Variants in UBASH3B observed in about 807,000 individuals in gnomAD.
UBASH3B encodes ubiquitin associated and SH3 domain containing B, also known as ubiquitin-associated and SH3 domain-containing protein B.
In UBASH3B, 37 loss-of-function variants were observed where a neutral mutation model predicts 83.4. The observed-to-expected ratio is 0.44, with a 90% CI of 0.34 to 0.58. The LOEUF (loss-of-function observed/expected upper bound fraction) is 0.58. Among genes scored for constraint, UBASH3B ranks in the 20% least tolerant of loss-of-function variants. The pLI, the probability that UBASH3B is intolerant of heterozygous loss-of-function variation, is 0.01. For synonymous variants in UBASH3B, 304 were observed against 318.3 expected (o/e 0.96, Z 0.48); for missense variants, 657 against 827.2 (o/e 0.79, Z 2.52).
chr11:122,696,754 G>T (rs1370495857), intron 1 of UBASH3B, among the ~76,000 whole-genome samples: 2 of 152,182 alleles, frequency 1.3e-5, no homozygotes, highest in African/African-American at 4.8e-5. Context: ...GGTGGCTAAT[G>T]GCCCCTGCCT....
intron 1 of UBASH3B, among the ~76,000 whole-genome samples, chr11:122,726,862 C>T (rs538615400): frequency 4.6e-5 from 7 of 152,134 alleles, no homozygotes; most frequent in East Asian, 1.9e-4. Context: ...CAATATTGTC[C>T]GCCCTGACTC....
chr11:122,656,770 C>T (rs1212621947), intron 1 of UBASH3B, among the ~76,000 whole-genome samples: 1 of 152,144 alleles, frequency 6.6e-6, no homozygotes, highest in Non-Finnish European at 1.5e-5. Flanking sequence ...GGTGTTCCTG[C>T]GTGTTCATTG....
intron 1 of UBASH3B, among the ~76,000 whole-genome samples, chr11:122,718,517 C>T (rs1347689758): frequency 6.6e-6 from 1 of 152,114 alleles, no homozygotes; most frequent in Non-Finnish European, 1.5e-5. Context: ...CTTCTTGATC[C>T]ATCAAATGGG....
intron 1 of UBASH3B, among the ~76,000 whole-genome samples, chr11:122,704,797 C>T (rs1235522331): frequency 6.6e-6 from 1 of 152,006 alleles, no homozygotes; most frequent in Non-Finnish European, 1.5e-5. Flanking sequence ...GGCATGACCA[C>T]CGTGCCCCGT....
At chr11:122,788,425 C>T (rs1275541918) in intron 5 of UBASH3B, among the ~76,000 whole-genome samples, 5 of 152,048 alleles carry the variant, frequency 3.3e-5, no homozygotes, top group Non-Finnish European at 7.4e-5. Flanking sequence ...AAAAATTAGC[C>T]AGGTGTGGTG....
At chr11:122,704,289 C>G (rs1341382009) in intron 1 of UBASH3B, among the ~76,000 whole-genome samples, 1 of 152,194 alleles carries the variant, frequency 6.6e-6, no homozygotes, top group Non-Finnish European at 1.5e-5. Context: ...GTTCACATTT[C>G]TCAGCATTGA....
At chr11:122,693,637 C>G (rs1475524405) in intron 1 of UBASH3B, among the ~76,000 whole-genome samples, 1 of 152,136 alleles carries the variant, frequency 6.6e-6, no homozygotes, top group Non-Finnish European at 1.5e-5. Context: ...CTTTGGGAGG[C>G]TGAGGTGGGC....
intron 1 of UBASH3B, among the ~76,000 whole-genome samples, chr11:122,752,124 A>G (rs1181983232): frequency 6.6e-6 from 1 of 152,152 alleles, no homozygotes; most frequent in Non-Finnish European, 1.5e-5. Context: ...TGTCTTTTCA[A>G]ACCAAATTTT....
intron 1 of UBASH3B, among the ~76,000 whole-genome samples, chr11:122,763,768 T>A (rs1444415910): frequency 6.6e-6 from 1 of 152,200 alleles, no homozygotes; most frequent in Non-Finnish European, 1.5e-5. Flanking sequence ...GATCAATATA[T>A]CTTTCTCCAT....
intron 1 of UBASH3B, among the ~76,000 whole-genome samples, chr11:122,679,316 T>G (rs1281788157): frequency 6.6e-6 from 1 of 152,176 alleles, no homozygotes; most frequent in Non-Finnish European, 1.5e-5. Flanking sequence ...TGGCGACAAT[T>G]GCATGGTACT....
At chr11:122,809,689 A>C (rs2135196556) in intron 13 of UBASH3B, 60 bp from the exon 14 acceptor site, 1 of 1,571,578 alleles carries the variant, frequency 6.4e-7, no homozygotes, top group Admixed American at 1.7e-5. Flanking sequence ...GTATTTAGGT[A>C]AAAGTTAAAG....
intron 1 of UBASH3B, among the ~76,000 whole-genome samples, chr11:122,746,868 C>G (rs116162032): frequency 6.6e-6 from 1 of 152,014 alleles, no homozygotes; most frequent in Non-Finnish European, 1.5e-5. Flanking sequence ...TGGGAGGGGC[C>G]GTGAGGGGGG....
At chr11:122,753,908 A>C (rs1201237989) in intron 1 of UBASH3B, among the ~76,000 whole-genome samples, 3 of 152,208 alleles carry the variant, frequency 2.0e-5, no homozygotes, top group African/African-American at 2.4e-5. Flanking sequence ...CCATGAATTC[A>C]ATAAATGCAT....
intron 1 of UBASH3B, among the ~76,000 whole-genome samples, chr11:122,691,871 TG>T (rs1396258345): frequency 6.6e-6 from 1 of 152,124 alleles, no homozygotes; most frequent in African/African-American, 2.4e-5. Flanking sequence ...GTGGCTTAGC[TG>T]GGCTCTCAAA....
chr11:122,718,586 T>C (rs1325145215), intron 1 of UBASH3B, among the ~76,000 whole-genome samples: 1 of 152,182 alleles, frequency 6.6e-6, no homozygotes, highest in Non-Finnish European at 1.5e-5. Context: ...TGATGACATA[T>C]GTAAAAGCAA....
rs1049447440 is a variant in UBASH3B at position 122,790,218 on chromosome 11, C to G, written c.980+910C>G. 5.3e-5 allele frequency among the ~76,000 whole-genome samples: 8 copies of G among 152,304 alleles called. No individual in the cohort carries two copies. In the South Asian group the frequency reaches 8.3e-4, roughly 16 times the overall value. Reference sequence around the variant, plus strand: ...GCAGAGAGAGATGATTTCATCAAGTCTTTTGCCTGGAAGGAGAAAATAAAG... The same window carrying G: ...GCAGAGAGAGATGATTTCATCAAGTGTTTTGCCTGGAAGGAGAAAATAAAG... On this transcript the variant is annotated intron_variant, in intron 6 of 13. Coordinates refer to ENST00000284273, the MANE Select transcript of UBASH3B (RefSeq NM_032873.5).
rs36055058 is a variant in UBASH3B, at chr11:122,706,106, CT to C, written c.161+49909del. Among the ~76,000 whole-genome samples, 1,259 of 127,034 alleles carry C rather than the reference CT, an allele frequency of 9.9e-3. 14 individuals are homozygous for C. Among genetic ancestry groups the C allele is most frequent in the African/African-American group, 0.028 (909 of 32,740 alleles). The allele number at this position is 127,034 out of a possible 152,430, so 83.3% of individuals were successfully genotyped here. A position where few individuals can be genotyped will look rare whatever the true frequency, so the allele number is the denominator to read the frequency against. On this transcript the variant is annotated intron_variant, in intron 1 of 13. Coordinates refer to ENST00000284273, the MANE Select transcript of UBASH3B (RefSeq NM_032873.5). ...TACCAAAGCTCTAATTCTTTTCTTT[CT>C]TTTTTTTTTTTTCTTTTTTTTTTTT...
At position 122,758,182 on chromosome 11, in the gene UBASH3B, G is replaced by C. The variant is rs1233934377; in HGVS notation, c.162-18037G>C. 2.0e-5 allele frequency among the ~76,000 whole-genome samples: 3 copies of C among 152,150 alleles called. No individual in the cohort carries two copies. On this transcript the variant is annotated intron_variant, in intron 1 of 13. Transcript: ENST00000284273. This position sits in a 1 kb window ranked among gnomAD's most constrained non-coding sequence, Gnocchi z 4.2. ...TGTGGCCGGGGGTGGGGCCGGTCTG[G>C]GGGGTATCGTAGTTGGGCCAGCAGA...
At chr11:122,669,390 T>C (rs1279592495) in intron 1 of UBASH3B, among the ~76,000 whole-genome samples, 3 of 152,206 alleles carry the variant, frequency 2.0e-5, no homozygotes, top group Non-Finnish European at 4.4e-5. Context: ...TCTGTGACTC[T>C]CCTGCCTCAC....
Sources: allele counts gnomAD v4.1 joint callset (sites outside exome capture counted in the v4.1 genomes callset), GRCh38; gene constraint gnomAD v4.1.1; non-coding constraint Gnocchi (gnomAD v3.1); transcripts MANE v1.5; gene names NCBI Gene and HGNC (gene_info 2026-07-23, HGNC 2026-07-21).